The following MSI2 variants were observed in gnomAD, a reference collection of about 807,000 sequenced individuals.
The protein encoded by MSI2 is musashi RNA binding protein 2, also known as RNA-binding protein Musashi homolog 2.
Under a neutral mutation model 45.6 loss-of-function variants are expected in MSI2, and 17 were observed. That is an observed-to-expected ratio of 0.37 (90% CI 0.26 to 0.56). The LOEUF (loss-of-function observed/expected upper bound fraction) is 0.56, where lower values mean the gene tolerates loss of function less well. MSI2 is among the 20% of genes least tolerant of loss of function. The pLI, the probability that MSI2 is intolerant of heterozygous loss-of-function variation, is 0.77. For missense variants in MSI2, 293 were observed against 444.2 expected, an observed-to-expected ratio of 0.66 and a Z score of 3.06; for synonymous variants, 156 against 158.2, an observed-to-expected ratio of 0.99 and a Z score of 0.11.
chr17:57,603,133 A>G (rs973691601), intron 8 of MSI2, among the ~76,000 whole-genome samples: 4 of 152,146 alleles, frequency 2.6e-5, no homozygotes, highest in African/African-American at 9.7e-5. Context: ...TACTCCCTCT[A>G]TGGTCAAACA....
At chr17:57,541,537 C>A (rs987158646) in intron 7 of MSI2, among the ~76,000 whole-genome samples, 4 of 152,162 alleles carry the variant, frequency 2.6e-5, no homozygotes, top group Admixed American at 6.5e-5. Context: ...TTCTTTATTT[C>A]TTTATGTTGT....
intron 6 of MSI2, chr17:57,449,594 A>G (rs1302002854): frequency 1.3e-5 from 2 of 152,148 alleles, no homozygotes; most frequent in African/African-American, 4.8e-5. Flanking sequence ...ATATGCATCT[A>G]TTTTCAAGAA....
chr17:57,646,278 A>G (rs1279253392), intron 10 of MSI2, among the ~76,000 whole-genome samples: 2 of 152,216 alleles, frequency 1.3e-5, no homozygotes, highest in East Asian at 3.8e-4. Context: ...GAAGCAATAA[A>G]AAGTAAGTGT....
chr17:57,630,052 A>G (rs1909205803), intron 10 of MSI2: 1 of 152,314 alleles, frequency 6.6e-6, no homozygotes, highest in African/African-American at 2.4e-5. Context: ...CTCTGCCTCC[A>G]TGGCCTGCAT....
chr17:57,570,018 A>C (rs1271549197), intron 7 of MSI2, among the ~76,000 whole-genome samples: 1 of 152,170 alleles, frequency 6.6e-6, no homozygotes, highest in East Asian at 1.9e-4. Flanking sequence ...CACTCAGGAG[A>C]ACACTTACAA....
At chr17:57,562,711 T>C (rs2087608378) in intron 7 of MSI2, among the ~76,000 whole-genome samples, 1 of 152,212 alleles carries the variant, frequency 6.6e-6, no homozygotes, top group African/African-American at 2.4e-5. Context: ...GGCAAACTGG[T>C]GGCTAACAAA....
At chr17:57,347,314 A>C (rs1418214538) in intron 5 of MSI2, among the ~76,000 whole-genome samples, 1 of 152,194 alleles carries the variant, frequency 6.6e-6, no homozygotes, top group Non-Finnish European at 1.5e-5. Flanking sequence ...TCTTATCAAG[A>C]TTTGAATTAT....
chr17:57,369,764 G>A (rs1043795301), intron 5 of MSI2, among the ~76,000 whole-genome samples: 2 of 152,158 alleles, frequency 1.3e-5, no homozygotes, highest in African/African-American at 4.8e-5. Context: ...CCATTTTATA[G>A]ATGAAGAAAC....
intron 6 of MSI2, among the ~76,000 whole-genome samples, chr17:57,497,374 G>C (rs1448756951): frequency 6.6e-6 from 1 of 152,196 alleles, no homozygotes; most frequent in Admixed American, 6.5e-5. Context: ...GTGACCCCAC[G>C]TATAAAGCGA....
intron 4 of MSI2, among the ~76,000 whole-genome samples, 188 bp from the exon 5 acceptor site, chr17:57,261,962 AG>A: frequency 6.6e-6 from 1 of 152,340 alleles, no homozygotes; most frequent in East Asian, 1.9e-4. Context: ...TAGCTATGTT[AG>A]TTACCTGATC....
intron 5 of MSI2, among the ~76,000 whole-genome samples, chr17:57,292,816 T>C (rs1311973677): frequency 6.6e-6 from 1 of 152,138 alleles, no homozygotes; most frequent in Non-Finnish European, 1.5e-5. Context: ...TTTAGGGGCC[T>C]AAGACTTTGG....
intron 5 of MSI2, among the ~76,000 whole-genome samples, chr17:57,374,541 C>T (rs142796330): frequency 0.021 from 3,131 of 152,136 alleles, 50 homozygotes; most frequent in Middle Eastern, 0.037. Flanking sequence ...CTTTGGGAGG[C>T]TGAGGCAGGT....
At chr17:57,640,448 G>A (rs71372809) in intron 10 of MSI2, among the ~76,000 whole-genome samples, 4 of 152,300 alleles carry the variant, frequency 2.6e-5, no homozygotes, top group Admixed American at 6.5e-5. Context: ...TCTCAGCTCC[G>A]CTACAGTTAT....
chr17:57,606,522 G>A (rs557981109), intron 8 of MSI2, among the ~76,000 whole-genome samples: 1 of 152,128 alleles, frequency 6.6e-6, no homozygotes, highest in African/African-American at 2.4e-5. Flanking sequence ...TGGGCAGGGT[G>A]GGGGCTGCAG....
chr17:57,561,401 C>A (rs937296964), intron 7 of MSI2, among the ~76,000 whole-genome samples: 28 of 152,338 alleles, frequency 1.8e-4, no homozygotes, highest in African/African-American at 5.5e-4. Flanking sequence ...CTCTTGCTCT[C>A]CCGTCTTGCT....
chr17:57,325,954 G>C (rs1016567199), intron 5 of MSI2, among the ~76,000 whole-genome samples: 2 of 152,124 alleles, frequency 1.3e-5, no homozygotes, highest in African/African-American at 4.8e-5. Context: ...ATTCTTCACT[G>C]ATTGCTACCT....
intron 5 of MSI2, among the ~76,000 whole-genome samples, chr17:57,282,525 A>T (rs553318743): frequency 6.6e-6 from 1 of 152,140 alleles, no homozygotes; most frequent in Admixed American, 6.5e-5. Context: ...GGATTGGAGG[A>T]TGTTGCTTTA....
intron 5 of MSI2, among the ~76,000 whole-genome samples, chr17:57,332,689 G>A (rs1914366131): frequency 2.0e-5 from 3 of 152,200 alleles, no homozygotes; most frequent in African/African-American, 7.2e-5. Context: ...TGCTTCTCTT[G>A]AGAGAGAGAA....
intron 6 of MSI2, among the ~76,000 whole-genome samples, chr17:57,495,522 G>A (rs559476712): frequency 2.3e-5 from 2 of 85,938 alleles, no homozygotes; most frequent in Admixed American, 3.8e-4. Context: ...GACAGAGCGA[G>A]ACTCTGTCTC....
Sources: allele counts gnomAD v4.1 joint callset (sites outside exome capture counted in the v4.1 genomes callset), GRCh38; gene constraint gnomAD v4.1.1; transcripts MANE v1.5; gene names NCBI Gene and HGNC (gene_info 2026-07-23, HGNC 2026-07-21).